Variants in MSRB3 observed in about 807,000 individuals in gnomAD.
MSRB3 encodes methionine sulfoxide reductase B3.
Under a neutral mutation model 21.0 loss-of-function variants are expected in MSRB3, and 13 were observed. That is an observed-to-expected ratio of 0.62 (90% CI 0.40 to 0.98). MSRB3 has a LOEUF of 0.98. Ranked by LOEUF, MSRB3 falls within the 50% of genes least tolerant of loss-of-function variation. The pLI is 0.00. For missense variants in MSRB3, 199 were observed against 230.3 expected (o/e 0.86, Z 0.88); for synonymous variants, 87 against 88.6 (o/e 0.98, Z 0.10).
chr12:65,335,105 T>A (rs1875675480), intron 4 of MSRB3, among the ~76,000 whole-genome samples: 1 of 152,142 alleles, frequency 6.6e-6, no homozygotes, highest in Non-Finnish European at 1.5e-5. Flanking sequence ...GATCTCAGAT[T>A]CATCACCTGT....
At position 65,462,216 on chromosome 12, in the gene MSRB3, G is replaced by T. The variant is rs532124786; in HGVS notation, c.391-939G>T. Among the ~76,000 whole-genome samples, 5 of 152,262 alleles carry T rather than the reference G, an allele frequency of 3.3e-5. No individual in the cohort carries two copies. The East Asian group carries it at 9.7e-4, about 29-fold the overall frequency. On this transcript the variant is annotated intron_variant, in intron 6 of 6. Transcript: ENST00000308259. ...GCCTGCTTGAATATGGTGCACCAGT[G>T]TCTCCATCTCGTTCGCCCCATCCCT...
At chr12:65,283,191 G>T (rs1872141250) in intron 1 of MSRB3, among the ~76,000 whole-genome samples, 1 of 152,046 alleles carries the variant, frequency 6.6e-6, no homozygotes, top group Admixed American at 6.6e-5. Flanking sequence ...TTTCCTTTAG[G>T]CTGTTCCTAC....
chr12:65,405,168 T>C (rs1431024525), intron 5 of MSRB3, among the ~76,000 whole-genome samples: 1 of 152,026 alleles, frequency 6.6e-6, no homozygotes, highest in African/African-American at 2.4e-5. Flanking sequence ...ACCAGGCTAG[T>C]CTTGAACTCA....
chr12:65,451,608 G>A (rs1336418299), intron 5 of MSRB3, among the ~76,000 whole-genome samples: 1 of 151,970 alleles, frequency 6.6e-6, no homozygotes, highest in Non-Finnish European at 1.5e-5. Context: ...CCTGTAAAAT[G>A]AGTGAACTCT....
chr12:65,290,427 T>A (rs1872606481), intron 1 of MSRB3, among the ~76,000 whole-genome samples: 2 of 152,222 alleles, frequency 1.3e-5, no homozygotes, highest in Non-Finnish European at 2.9e-5. Flanking sequence ...CTTTTTAAGA[T>A]ATTTAAACAT....
intron 4 of MSRB3, among the ~76,000 whole-genome samples, chr12:65,350,481 T>G (rs1265127435): frequency 6.6e-6 from 1 of 151,014 alleles, no homozygotes; most frequent in Non-Finnish European, 1.5e-5. Flanking sequence ...TAAATGTAAA[T>G]GGACTAAATG....
intron 5 of MSRB3, among the ~76,000 whole-genome samples, chr12:65,377,371 A>G (rs886823975): frequency 2.6e-5 from 4 of 152,140 alleles, no homozygotes; most frequent in Admixed American, 2.6e-4. Context: ...TCCTGGGATC[A>G]AGCGATTCTC....
intron 5 of MSRB3, among the ~76,000 whole-genome samples, chr12:65,380,951 T>C (rs1878908662): frequency 6.6e-6 from 1 of 152,210 alleles, no homozygotes; most frequent in Admixed American, 6.5e-5. Flanking sequence ...CCACATGACA[T>C]ACTTGCTCAC....
intron 5 of MSRB3, among the ~76,000 whole-genome samples, chr12:65,391,726 G>A (rs919716626): frequency 6.6e-6 from 1 of 152,120 alleles, no homozygotes; most frequent in Admixed American, 6.5e-5. Context: ...AGATTTTAAG[G>A]CTAGTTCACT....
intron 1 of MSRB3, among the ~76,000 whole-genome samples, chr12:65,288,719 C>G (rs1239254686): frequency 6.6e-6 from 1 of 151,962 alleles, no homozygotes; most frequent in Non-Finnish European, 1.5e-5. Context: ...GAGAAAAGTC[C>G]TCATTTAGCA....
intron 5 of MSRB3, among the ~76,000 whole-genome samples, chr12:65,402,831 C>G (rs1468694441): frequency 6.6e-6 from 1 of 152,156 alleles, no homozygotes; most frequent in African/African-American, 2.4e-5. Context: ...CTATTCCTCC[C>G]TGTTAGTTTT....
At position 65,463,321 on chromosome 12, in the gene MSRB3, A is replaced by G. The variant is rs577209923; in HGVS notation, c.557A>G (p.Ter186TrpextTer5). Reference protein sequence around the residue: ...SPAQADKAEL* With the variant: ...SPAQADKAELW Reference sequence around the variant, plus strand: ...GCCCAGGCAGACAAAGCGGAGCTCTAGAGTAATGGAGAGTGATGGAAACAA... The same window carrying G: ...GCCCAGGCAGACAAAGCGGAGCTCTGGAGTAATGGAGAGTGATGGAAACAA... Residue 186 changes from the stop codon to tryptophan (W), a stop_lost, in exon 7 of 7, where the codon TAG becomes TGG. Coordinates refer to ENST00000308259, the MANE Select transcript of MSRB3 (RefSeq NM_001031679.3). 19 of 1,614,218 alleles carry G rather than the reference A, an allele frequency of 1.2e-5. No homozygotes were observed. In the South Asian group the frequency reaches 2.0e-4, roughly 17 times the overall value.
At chr12:65,295,707 G>A (rs1872927147) in intron 1 of MSRB3, among the ~76,000 whole-genome samples, 1 of 151,930 alleles carries the variant, frequency 6.6e-6, no homozygotes, top group South Asian at 2.1e-4. Flanking sequence ...ATAATTGGGA[G>A]GCTGTAAAAT....
rs370731976 is a variant in MSRB3, at chr12:65,368,983, T to A, written c.264-15T>A. 8 of 1,417,944 alleles carry A rather than the reference T, an allele frequency of 5.6e-6. No individual in the cohort carries two copies. The East Asian group carries it at 1.4e-4, about 24-fold the overall frequency. 87.8% of individuals were successfully genotyped at this position (1,417,944 alleles called of 1,614,324 possible). The stretch of plus-strand genomic sequence containing the variant: ...AACAGTTTTTATATTGTAAAAACTT[T>A]CTTTCTCTTTGCAGGTCAGAAACCA... On this transcript the variant is annotated splice_polypyrimidine_tract_variant and intron_variant, in intron 4 of 6. Coordinates refer to ENST00000308259, the MANE Select transcript of MSRB3 (RefSeq NM_001031679.3).
intron 2 of MSRB3, among the ~76,000 whole-genome samples, chr12:65,323,750 G>A (rs1416646783): frequency 6.6e-6 from 1 of 152,144 alleles, no homozygotes; most frequent in African/African-American, 2.4e-5. Flanking sequence ...AGAAAAGTGA[G>A]TCTGATAGGG....
At chr12:65,452,841 G>A (rs1183910242) in intron 5 of MSRB3, among the ~76,000 whole-genome samples, 1 of 152,064 alleles carries the variant, frequency 6.6e-6, no homozygotes, top group Non-Finnish European at 1.5e-5. Flanking sequence ...AAAAAAAATT[G>A]CACCAGCACT....
In MSRB3 at chr12:65,419,904, G is replaced by T. The variant is rs184847831; in HGVS notation, c.293-33824G>T. The T allele has an allele frequency of 9.8e-3, 6,015 of 611,622 alleles. 60 individuals are homozygous for T. Among genetic ancestry groups the T allele is most frequent in the Middle Eastern group, 0.019 (45 of 2,360 alleles). 37.9% of individuals were successfully genotyped at this position (611,622 alleles called of 1,614,324 possible). A position where few individuals can be genotyped will look rare whatever the true frequency, so the allele number is the denominator to read the frequency against. The stretch of plus-strand genomic sequence containing the variant: ...GGAGATCCGGGAACCAGAGCCCCCA[G>T]TGCCTGCATAGACGTTGGTTGTGCT... On this transcript the variant is annotated intron_variant, in intron 5 of 6. Transcript: ENST00000308259.
chr12:65,345,986 G>T (rs1293266087), intron 4 of MSRB3, among the ~76,000 whole-genome samples: 6 of 152,114 alleles, frequency 3.9e-5, no homozygotes, highest in Non-Finnish European at 1.5e-5. Flanking sequence ...GTCTATCATT[G>T]TTGGACATTT....
At chr12:65,459,709 C>T (rs529431337) in intron 6 of MSRB3, among the ~76,000 whole-genome samples, 1 of 152,136 alleles carries the variant, frequency 6.6e-6, no homozygotes, top group East Asian at 1.9e-4. Flanking sequence ...ATAATAAAGC[C>T]CAAACATCCT....
Sources: gnomAD v4.1 joint callset for allele counts (sites outside exome capture counted in the v4.1 genomes callset) on GRCh38, gnomAD v4.1.1 for gene constraint, MANE v1.5 for transcripts, NCBI Gene and HGNC (gene_info 2026-07-23, HGNC 2026-07-21) for gene names.